The following C16orf89 variants were observed in gnomAD, a reference collection of about 807,000 sequenced individuals.
C16orf89 encodes UPF0764 protein C16orf89.
Under a neutral mutation model 41.5 loss-of-function variants are expected in C16orf89, and 57 were observed. The ratio of observed to expected loss-of-function variants is 1.38; its 90% confidence interval spans 1.11 to 1.71. C16orf89 has a LOEUF of 1.71. C16orf89 is among the 40% of genes most tolerant of loss of function. The pLI is 0.00. For synonymous variants in C16orf89, 223 were observed against 190.6 expected (o/e 1.17, Z -1.40); for missense variants, 575 against 445.9 (o/e 1.29, Z -2.61).
chr16:5,059,908 G>A (rs1038249214), intron 3 of C16orf89, among the ~76,000 whole-genome samples: 1 of 151,884 alleles, frequency 6.6e-6, no homozygotes, highest in South Asian at 2.1e-4. Context: ...GGCCCAGGGG[G>A]TGGAGTGGGT....
rs1956593527 is a variant in C16orf89, at chr16:5,060,425, TCAGCTGGAA to T, written c.361_369del (p.Phe121_Leu123del). ...AGCTTCCAAAACCCGGGCTGGAGGG[TCAGCTGGAA>T]CTCTGGCAGAGAGGACAGATAGATG... On this transcript the variant is annotated inframe_deletion and splice_region_variant, in exon 3 of 8. Transcript: ENST00000472572. 12 of 1,611,954 alleles carry T rather than the reference TCAGCTGGAA, an allele frequency of 7.4e-6. No homozygotes were observed. Among genetic ancestry groups the T allele is most frequent in the Non-Finnish European group, 1.0e-5 (12 of 1,179,148 alleles).
chr16:5,059,914 T>TGGGTG (rs1311037658), intron 3 of C16orf89, among the ~76,000 whole-genome samples: 1 of 65,064 alleles, frequency 1.5e-5, no homozygotes, highest in Non-Finnish European at 3.1e-5. Context: ...GGGGGTGGAG[T>TGGGTG]GGGTGGGGTG....
rs562511987 is a variant in C16orf89, at chr16:5,052,368, C to G, written c.868+2878G>C. Among the ~76,000 whole-genome samples the G allele has an allele frequency of 3.9e-5, 6 of 152,250 alleles. No homozygotes were observed. In the South Asian group the frequency reaches 1.2e-3, roughly 32 times the overall value. ...CTTTAGGAGGCCGTGGCTGGTGGAT[C>G]ACTTTGAGCTCAGGAATTCTGGATC... On this transcript the variant is annotated intron_variant, in intron 6 of 7. Coordinates refer to ENST00000472572, the MANE Select transcript of C16orf89 (RefSeq NM_001098514.3).
intron 1 of C16orf89, among the ~76,000 whole-genome samples, chr16:5,063,204 G>A (rs1956664370): frequency 6.6e-6 from 1 of 152,298 alleles, no homozygotes; most frequent in Non-Finnish European, 1.5e-5. Context: ...GGCGAGGGAT[G>A]AAGTGGGGCA....
At chr16:5,046,178 T>G (rs1956293107) in intron 7 of C16orf89, among the ~76,000 whole-genome samples, 1 of 152,054 alleles carries the variant, frequency 6.6e-6, no homozygotes, top group African/African-American at 2.4e-5. Context: ...GCTTTCACTC[T>G]CTCCTGTCCA....
rs775009579 is a variant in C16orf89, at chr16:5,047,982, GT to G, written c.869-19del. The G allele has an allele frequency of 6.9e-6, 9 of 1,307,324 alleles. No homozygotes were observed. Among genetic ancestry groups the G allele is most frequent in the Non-Finnish European group, 9.9e-6 (9 of 904,548 alleles). The allele number at this position is 1,307,324 out of a possible 1,614,324, so 81.0% of individuals were successfully genotyped here. ...TTCAGCATCTGGGAGAAGAGCAAAA[GT>G]TGAACTTCTCAAGAGAGATTTTTAT... On this transcript the variant is annotated intron_variant, in intron 6 of 7. Transcript: ENST00000472572.
At position 5,044,353 on chromosome 16, in the gene C16orf89, G is replaced by A. The variant is rs773319876; in HGVS notation, c.1081C>T (p.Arg361Cys). 1.4e-5 allele frequency: 22 copies of A among 1,604,052 alleles called. No homozygotes were observed. The highest frequency in any genetic ancestry group is 1.3e-4 in the South Asian group (12 of 89,566). ...CTGGCATGGAACCGTCCGTCTCAGC[G>A]GCTGCTTGGTGGTGGCGGTGTGGAT... is the stretch of plus-strand genomic sequence containing the variant. Reference protein sequence around the residue: ...HPSTPPPPSSR With the variant: ...HPSTPPPPSSC Residue 361 changes from arginine (R) to cysteine (C), a missense_variant, in exon 8 of 8, where the codon CGC (arginine) becomes TGC (cysteine). Coordinates refer to ENST00000472572, the MANE Select transcript of C16orf89 (RefSeq NM_001098514.3).
chr16:5,060,675 C>G (rs757875532), intron 2 of C16orf89, among the ~76,000 whole-genome samples: 31 of 152,106 alleles, frequency 2.0e-4, no homozygotes, highest in Non-Finnish European at 4.3e-4. Flanking sequence ...TTGACTAAAC[C>G]CACTGCATCC....
At chr16:5,045,563 C>T (rs1470402032) in intron 7 of C16orf89, among the ~76,000 whole-genome samples, 2 of 152,118 alleles carry the variant, frequency 1.3e-5, no homozygotes, top group African/African-American at 4.8e-5. Context: ...AGGGAGAATG[C>T]AGATTTCAAG....
rs748360843 is a variant in C16orf89 at position 5,062,579 on chromosome 16, A to T, written c.209-5T>A. On this transcript the variant is annotated splice_polypyrimidine_tract_variant and splice_region_variant and intron_variant, in intron 1 of 7. Coordinates refer to ENST00000472572, the MANE Select transcript of C16orf89 (RefSeq NM_001098514.3). ...CCCGGACACTTTTTAGCTGCTCTGG[A>T]AGGGAACAGAGTTAATTCATTCAAC... is the stretch of plus-strand genomic sequence containing the variant. 9.5e-5 allele frequency: 152 copies of T among 1,603,820 alleles called. No individual in the cohort carries two copies. The highest frequency in any genetic ancestry group is 1.3e-4 in the Non-Finnish European group (149 of 1,175,586).
At chr16:5,065,634 C>A in intron 1 of C16orf89, 67 bp downstream of exon 1, 1 of 1,500,870 alleles carries the variant, frequency 6.7e-7, no homozygotes, top group South Asian at 1.2e-5. Context: ...GCGTACAGAG[C>A]AGGGCAGGGG....
chr16:5,055,420 G>T (rs1956477525), intron 5 of C16orf89, 70 bp from the exon 6 acceptor site: 2 of 1,353,120 alleles, frequency 1.5e-6, no homozygotes, highest in Admixed American at 2.0e-5. Flanking sequence ...CCCCAGGGCT[G>T]CCACGGTGCC....
In C16orf89 at chr16:5,056,267, C is replaced by T. The variant is rs2142643314; in HGVS notation, c.628-79G>A. 2.1e-6 allele frequency: 3 copies of T among 1,404,674 alleles called. No individual in the cohort carries two copies. The South Asian group carries it at 4.0e-5, about 19-fold the overall frequency. The allele number at this position is 1,404,674 out of a possible 1,614,324, so 87.0% of individuals were successfully genotyped here. A position where few individuals can be genotyped will look rare whatever the true frequency, so the allele number is the denominator to read the frequency against. On this transcript the variant is annotated intron_variant, in intron 4 of 7. Coordinates refer to ENST00000472572, the MANE Select transcript of C16orf89 (RefSeq NM_001098514.3). ...CACGCCCTGCTATGGGAAAGTCTTG[C>T]AGTTCTGAGACGGTCTTGCAAGGGG...
chr16:5,044,353 G>C lies in C16orf89; in HGVS notation c.1081C>G (p.Arg361Gly). Residue 361 changes from arginine (R) to glycine (G), a missense_variant, in exon 8 of 8, where the codon CGC (arginine) becomes GGC (glycine). By Grantham distance (125) the Arg-to-Gly change is moderately radical. Coordinates refer to ENST00000472572, the MANE Select transcript of C16orf89 (RefSeq NM_001098514.3). ...CTGGCATGGAACCGTCCGTCTCAGC[G>C]GCTGCTTGGTGGTGGCGGTGTGGAT... is the stretch of plus-strand genomic sequence containing the variant. ...HPSTPPPPSS[R>G] is the part of the protein sequence containing the mutation. The C allele has an allele frequency of 6.2e-7, 1 of 1,604,170 alleles. No homozygotes were observed. Among genetic ancestry groups the C allele is most frequent in the Non-Finnish European group, 8.5e-7 (1 of 1,175,956 alleles).
chr16:5,045,606 T>C (rs1244177659), intron 7 of C16orf89, among the ~76,000 whole-genome samples: 1 of 152,116 alleles, frequency 6.6e-6, no homozygotes, highest in Non-Finnish European at 1.5e-5. Context: ...AGCTCATGCC[T>C]CTCAGTGGCC....
At chr16:5,059,370 G>A (rs1956571279) in intron 3 of C16orf89, among the ~76,000 whole-genome samples, 1 of 151,956 alleles carries the variant, frequency 6.6e-6, no homozygotes, top group Non-Finnish European at 1.5e-5. Flanking sequence ...GGAGGCTGAG[G>A]CATGAGAATC....
intron 3 of C16orf89, 118 bp from the exon 4 acceptor site, chr16:5,058,728 A>G: frequency 5.3e-6 from 4 of 760,828 alleles, no homozygotes; most frequent in Non-Finnish European, 4.1e-6. Context: ...CCAGCTGGGC[A>G]TGGGGGTTGA....
chr16:5,064,776 C>G (rs942595116), intron 1 of C16orf89, among the ~76,000 whole-genome samples: 1 of 152,146 alleles, frequency 6.6e-6, no homozygotes, highest in African/African-American at 2.4e-5. Flanking sequence ...ACTGCAGCTG[C>G]CAAGGAGTGG....
rs1956459624 is a variant in C16orf89 at position 5,054,843 on chromosome 16, C to A, written c.868+403G>T. On this transcript the variant is annotated intron_variant, in intron 6 of 7. Transcript: ENST00000472572. ...CTTGCTTCTCATTCTCTCTTGTCTG[C>A]CACTATGTGAGACGTCCCTTTCGCC... Among the ~76,000 whole-genome samples the A allele has an allele frequency of 2.6e-5, 4 of 152,298 alleles. No individual in the cohort carries two copies. The South Asian group carries it at 8.3e-4, about 32-fold the overall frequency.
Sources: gnomAD v4.1 joint callset for allele counts (sites outside exome capture counted in the v4.1 genomes callset) on GRCh38, gnomAD v4.1.1 for gene constraint, MANE v1.5 for transcripts, NCBI Gene and HGNC (gene_info 2026-07-23, HGNC 2026-07-21) for gene names.